PRIM2: variants seen among roughly 807,000 people sequenced by gnomAD.
PRIM2 encodes the protein DNA primase large subunit.
In PRIM2, 39 loss-of-function variants were observed where a neutral mutation model predicts 67.3. That is an observed-to-expected ratio of 0.58 (90% CI 0.45 to 0.76). The LOEUF (loss-of-function observed/expected upper bound fraction) is 0.76, where lower values mean the gene tolerates loss of function less well. Ranked by LOEUF, PRIM2 falls within the 30% of genes least tolerant of loss-of-function variation. PRIM2 has a pLI of 0.00. For synonymous variants in PRIM2, 143 were observed against 198.7 expected (o/e 0.72, Z 2.36); for missense variants, 398 against 598.7 (o/e 0.66, Z 3.50).
At chr6:57,385,416 A>C (rs1770110463) in intron 7 of PRIM2, among the ~76,000 whole-genome samples, 1 of 152,198 alleles carries the variant, frequency 6.6e-6, no homozygotes, top group Admixed American at 6.5e-5. Context: ...TCTTTAAACC[A>C]TTTGAGAATA....
intron 5 of PRIM2, among the ~76,000 whole-genome samples, chr6:57,340,097 A>G (rs1270876928): frequency 1.3e-5 from 2 of 152,220 alleles, no homozygotes; most frequent in African/African-American, 4.8e-5. Flanking sequence ...CAAAAAACAC[A>G]TGAAAAAATG....
the PRIM2 span, among the ~76,000 whole-genome samples, chr6:57,302,320 C>G: frequency 7.2e-5 from 11 of 152,118 alleles, no homozygotes; most frequent in Non-Finnish European, 1.3e-4. Flanking sequence ...TAACTGTTGA[C>G]TCTTTAAGTG....
the PRIM2 span, among the ~76,000 whole-genome samples, chr6:57,291,907 A>T: frequency 6.6e-6 from 1 of 152,196 alleles, no homozygotes; most frequent in Non-Finnish European, 1.5e-5. Context: ...ATAGGCAAAA[A>T]CTGGAAGCAT....
chr6:57,557,687 G>A (rs1212633511), intron 10 of PRIM2, among the ~76,000 whole-genome samples: 13 of 151,524 alleles, frequency 8.6e-5, no homozygotes, highest in Admixed American at 7.2e-4. Flanking sequence ...TAGTACGTGG[G>A]TGATGAAATA....
the PRIM2 span, among the ~76,000 whole-genome samples, chr6:57,232,171 G>T: frequency 1.2e-4 from 19 of 152,364 alleles, no homozygotes; most frequent in East Asian, 3.7e-3. Flanking sequence ...GCGTTCCGTT[G>T]TTGTATTAAT....
chr6:57,535,123 G>C lies in PRIM2; in HGVS notation c.835-2317G>C, dbSNP rs1774978133. 4.6e-5 allele frequency among the ~76,000 whole-genome samples: 7 copies of C among 152,038 alleles called. 1 individual carries two copies. The South Asian group carries it at 1.5e-3, about 32-fold the overall frequency. On this transcript the variant is annotated intron_variant, in intron 9 of 13. Transcript: ENST00000615550. Reference sequence around the variant, plus strand: ...TTAAATAAATATTTGTTGATTGAATGAATAAGAAGTAATCAAGGAATGTGC... The same window carrying C: ...TTAAATAAATATTTGTTGATTGAATCAATAAGAAGTAATCAAGGAATGTGC...
intron 7 of PRIM2, among the ~76,000 whole-genome samples, chr6:57,491,066 C>A (rs1554345922): frequency 1.3e-5 from 2 of 152,056 alleles, no homozygotes; most frequent in African/African-American, 4.8e-5. Flanking sequence ...TAAGAAAGAA[C>A]AAAGACTTCA....
Position 57,506,982 on chromosome 6 carries a change from C to T in PRIM2, c.694-405C>T, listed in dbSNP as rs1465164374. ...GGCTTAGCTATAAATCAGAATTTAT[C>T]TTCCCAATTTATTCATCATCTTAGG... is the stretch of plus-strand genomic sequence containing the variant. On this transcript the variant is annotated intron_variant, in intron 7 of 13. Coordinates refer to ENST00000615550, the MANE Select transcript of PRIM2 (RefSeq NM_000947.5). Among the ~76,000 whole-genome samples, 409 of 152,238 alleles carry T rather than the reference C, an allele frequency of 2.7e-3. 1 individual carries two copies. The highest frequency in any genetic ancestry group is 3.8e-3 in the Non-Finnish European group (260 of 68,006).
chr6:57,367,393 A>G (rs1769394992), intron 5 of PRIM2, among the ~76,000 whole-genome samples: 1 of 152,314 alleles, frequency 6.6e-6, no homozygotes, highest in African/African-American at 2.4e-5. Flanking sequence ...ACTGGATTAC[A>G]GATAGAAAAA....
chr6:57,591,865 T>C (rs1353083603), intron 10 of PRIM2, among the ~76,000 whole-genome samples: 151,376 of 151,634 alleles, frequency 1, 75,563 homozygotes, highest in Middle Eastern at 1. Flanking sequence ...AAGACACCTG[T>C]ACTTTTATGT....
chr6:57,623,283 G>A (rs1776889566), intron 12 of PRIM2, among the ~76,000 whole-genome samples: 1 of 152,128 alleles, frequency 6.6e-6, no homozygotes, highest in African/African-American at 2.4e-5. Context: ...CTTGATTTCT[G>A]TGTATATCCT....
At chr6:57,449,026 A>G (rs112330892) in intron 7 of PRIM2, among the ~76,000 whole-genome samples, 6 of 152,314 alleles carry the variant, frequency 3.9e-5, no homozygotes, top group African/African-American at 1.4e-4. Context: ...GGGGGAGTCT[A>G]TTCAGACAGA....
At chr6:57,278,651 A>T in the PRIM2 span, among the ~76,000 whole-genome samples, 6 of 152,326 alleles carry the variant, frequency 3.9e-5, no homozygotes, top group Admixed American at 2.6e-4. Context: ...ATACACAATC[A>T]GGACACAATG....
chr6:57,367,702 G>C (rs1375245273), intron 5 of PRIM2, among the ~76,000 whole-genome samples: 3 of 152,210 alleles, frequency 2.0e-5, no homozygotes, highest in Admixed American at 1.3e-4. Context: ...TCACATGCTT[G>C]TGCATATGTG....
intron 5 of PRIM2, among the ~76,000 whole-genome samples, chr6:57,326,699 C>T (rs867370615): frequency 3.3e-5 from 5 of 150,092 alleles, no homozygotes; most frequent in African/African-American, 4.9e-5. Context: ...CTAGTCTGGG[C>T]GAAAGAGCAA....
intron 7 of PRIM2, among the ~76,000 whole-genome samples, chr6:57,393,401 C>T (rs1770422772): frequency 6.6e-6 from 1 of 152,036 alleles, no homozygotes; most frequent in Non-Finnish European, 1.5e-5. Context: ...TTTCCCTGAT[C>T]ATTAGTGATG....
At chr6:57,587,223 C>G (rs1290429736) in intron 10 of PRIM2, 3 of 152,164 alleles carry the variant, frequency 2.0e-5, no homozygotes, top group African/African-American at 7.2e-5. Context: ...ACAGTGGAGT[C>G]TTCTGGGAAT....
intron 5 of PRIM2, among the ~76,000 whole-genome samples, chr6:57,338,432 T>G (rs904748183): frequency 1.3e-5 from 2 of 151,576 alleles, no homozygotes; most frequent in Non-Finnish European, 2.9e-5. Context: ...CCAATATCCT[T>G]GATGAACATT....
rs1336803219 is a variant in PRIM2 at position 57,344,357 on chromosome 6, TTAGATAA to T, written c.459+18316_459+18322del. ...AATTATTTTTTTTCAAGGTTAAATA[TTAGATAA>T]TAGGTATATGTTATATATGAAATGA... On this transcript the variant is annotated intron_variant, in intron 5 of 13. Coordinates refer to ENST00000615550, the MANE Select transcript of PRIM2 (RefSeq NM_000947.5). Among the ~76,000 whole-genome samples the T allele has an allele frequency of 5.3e-5, 8 of 152,200 alleles. No homozygotes were observed. The South Asian group carries it at 1.0e-3, about 20-fold the overall frequency.
Sources: allele counts gnomAD v4.1 joint callset (sites outside exome capture counted in the v4.1 genomes callset), GRCh38; gene constraint gnomAD v4.1.1; transcripts MANE v1.5; gene names NCBI Gene and HGNC (gene_info 2026-07-23, HGNC 2026-07-21).